HDLBP: variants seen among roughly 807,000 people sequenced by gnomAD.
HDLBP encodes the protein high density lipoprotein binding protein, also known as vigilin.
In HDLBP, 30 loss-of-function variants were observed where a neutral mutation model predicts 137.3. That is an observed-to-expected ratio of 0.22 (90% CI 0.16 to 0.30). HDLBP has a LOEUF of 0.30. Ranked by LOEUF, HDLBP falls within the 10% of genes least tolerant of loss-of-function variation. The pLI is 1.00. For synonymous variants in HDLBP, 606 were observed against 596.0 expected (o/e 1.02, Z -0.24); for missense variants, 1,119 against 1,667.3 (o/e 0.67, Z 5.73).
Position 241,270,090 on chromosome 2 carries a change from A to G in HDLBP, c.-102-1549T>C, listed in dbSNP as rs972206654. On this transcript the variant is annotated intron_variant, in intron 1 of 27. Coordinates refer to ENST00000310931, the MANE Select transcript of HDLBP (RefSeq NM_005336.6). ...TGTCAGCCCGCACCGACTCTCCAGC[A>G]CGGAGCTGTGATGAGCCAATCCCCA... 2.6e-5 allele frequency among the ~76,000 whole-genome samples: 4 copies of G among 152,334 alleles called. No individual in the cohort carries two copies. The East Asian group carries it at 7.7e-4, about 29-fold the overall frequency.
At position 241,233,741 on chromosome 2, in the gene HDLBP, C is replaced by A. The variant is rs1271824708; in HGVS notation, c.3288+79G>T. On this transcript the variant is annotated intron_variant, in intron 24 of 27. Transcript: ENST00000310931. This position sits in a 1 kb window ranked among gnomAD's most constrained non-coding sequence, Gnocchi z 4.3. ...TGGCCCTCGAACCCCCATCTAGGCA[C>A]ATCTGGTTACTGCTCCCAAGTCACA... 4 of 1,545,252 alleles carry A rather than the reference C, an allele frequency of 2.6e-6. No homozygotes were observed. Among genetic ancestry groups the A allele is most frequent in the Non-Finnish European group, 3.6e-6 (4 of 1,124,376 alleles).
At chr2:241,268,731 T>C (rs961245575) in intron 1 of HDLBP, 190 bp from the exon 2 acceptor site, 1 of 153,564 alleles carries the variant, frequency 6.5e-6, no homozygotes, top group Non-Finnish European at 1.4e-5. Context: ...AAACAAAACA[T>C]ATTAAAACAA....
At chr2:241,280,173 G>A in intron 1 of HDLBP, 5 of 957,024 alleles carry the variant, frequency 5.2e-6, no homozygotes, top group Non-Finnish European at 6.2e-6. Flanking sequence ...TCAAAGAAAT[G>A]TTTCCATCCC....
Position 241,256,631 on chromosome 2 carries a change from C to T in HDLBP, c.626G>A (p.Arg209His), listed in dbSNP as rs371457818. The stretch of plus-strand genomic sequence containing the variant: ...GGCAGAGATGAGTAAGACTTCATGG[C>T]GAGCTTTCTCGATGCCCTCTTTGGT... ...TGTKEGIEKA[R>H]HEVLLISAEQ... The change falls in exon 6 of 28, where the codon CGC (arginine) becomes CAC (histidine). Residue 209 changes from arginine to histidine, a missense_variant. Arg to His is a conservative substitution (Grantham distance 29). Transcript: ENST00000310931. 1.9e-6 allele frequency: 3 copies of T among 1,614,152 alleles called. No homozygotes were observed. The highest frequency in any genetic ancestry group is 2.5e-6 in the Non-Finnish European group (3 of 1,180,026).
intron 16 of HDLBP, chr2:241,243,423 G>A (rs562022696): frequency 6.6e-5 from 10 of 152,422 alleles, no homozygotes; most frequent in Admixed American, 5.9e-4. Context: ...TCAGGGCCGG[G>A]TATAGTGGCC....
chr2:241,271,626 C>G lies in HDLBP; in HGVS notation c.-102-3085G>C, dbSNP rs73116316. On this transcript the variant is annotated intron_variant, in intron 1 of 27. Coordinates refer to ENST00000310931, the MANE Select transcript of HDLBP (RefSeq NM_005336.6). The stretch of plus-strand genomic sequence containing the variant: ...TACATATTCAAGGGGCAACAGTCTT[C>G]GAAGAGAATTATCAGTAATACTCCA... Among the ~76,000 whole-genome samples the G allele has an allele frequency of 4.5e-3, 691 of 152,286 alleles. 3 individuals carry two copies. The highest frequency in any genetic ancestry group is 7.8e-3 in the Non-Finnish European group (529 of 68,026).
chr2:241,271,757 G>A (rs573840141), intron 1 of HDLBP, among the ~76,000 whole-genome samples: 2 of 150,934 alleles, frequency 1.3e-5, no homozygotes, highest in Non-Finnish European at 3.0e-5. Flanking sequence ...CTGAAACCCA[G>A]ACTTCTCCTC....
intron 1 of HDLBP, among the ~76,000 whole-genome samples, chr2:241,276,676 A>C (rs2074397993): frequency 6.6e-6 from 1 of 152,218 alleles, no homozygotes; most frequent in Admixed American, 6.5e-5. Context: ...TATTATTTTC[A>C]GATAACACAG....
chr2:241,272,233 AGACCCCCGCCCCG>A lies in HDLBP; in HGVS notation c.-102-3705_-102-3693del. On this transcript the variant is annotated intron_variant, in intron 1 of 27. Transcript: ENST00000310931. This position sits in a 1 kb window ranked among gnomAD's most constrained non-coding sequence, Gnocchi z 5.6. ...GGGCCCCGCCGCCCGGTCTGCGCCCAGACCCCCGCCCCGCCGCCACCTGGGGGGAAGGACCCCG... is the reference window on the plus strand; with the variant it reads ...GGGCCCCGCCGCCCGGTCTGCGCCCACCGCCACCTGGGGGGAAGGACCCCG... 3 of 967,522 alleles carry A rather than the reference AGACCCCCGCCCCG, an allele frequency of 3.1e-6. No individual in the cohort carries two copies. The South Asian group carries it at 1.4e-4, about 46-fold the overall frequency. 59.9% of individuals were successfully genotyped at this position (967,522 alleles called of 1,614,324 possible). A position where few individuals can be genotyped will look rare whatever the true frequency, so the allele number is the denominator to read the frequency against.
chr2:241,239,836 G>C lies in HDLBP; in HGVS notation c.2392-16C>G. 6.2e-7 allele frequency: 1 copy of C among 1,612,372 alleles called. No homozygotes were observed. The highest frequency in any genetic ancestry group is 8.5e-7 in the Non-Finnish European group (1 of 1,178,684). On this transcript the variant is annotated splice_polypyrimidine_tract_variant and intron_variant, in intron 18 of 27. Coordinates refer to ENST00000310931, the MANE Select transcript of HDLBP (RefSeq NM_005336.6). The surrounding 1 kb of genome is among the most constrained non-coding windows in gnomAD (Gnocchi z 4.6). ...CCACATTATCCTGCAGTGTTAAGAA[G>C]AGATGGAAGATAAGCCACCCCATCA... is the stretch of plus-strand genomic sequence containing the variant.
Position 241,239,948 on chromosome 2 carries a change from C to T in HDLBP, c.2344G>A (p.Ala782Thr), listed in dbSNP as rs1200458864. 2 of 1,614,076 alleles carry T rather than the reference C, an allele frequency of 1.2e-6. No individual in the cohort carries two copies. The highest frequency in any genetic ancestry group is 8.5e-7 in the Non-Finnish European group (1 of 1,180,044). Reference protein sequence around the residue: ...DLITIIGKEDAVREAQKELEA... With the variant: ...DLITIIGKEDTVREAQKELEA... ...AGCTCCTTCTGTGCCTCTCGGACGG[C>T]GTCCTCCTTTCCAATGATGGTGATC... Residue 782 changes from alanine (A) to threonine (T), a missense_variant, in exon 18 of 28, where the codon GCC (alanine) becomes ACC (threonine). Ala to Thr is a moderately conservative substitution (Grantham distance 58). Coordinates refer to ENST00000310931, the MANE Select transcript of HDLBP (RefSeq NM_005336.6). The surrounding 1 kb of genome is among the most constrained non-coding windows in gnomAD (Gnocchi z 4.6).
chr2:241,296,127 T>C (rs1194010568), intron 1 of HDLBP, among the ~76,000 whole-genome samples: 1 of 148,650 alleles, frequency 6.7e-6, no homozygotes, highest in Non-Finnish European at 1.5e-5. Context: ...AAGCTGGGAT[T>C]CAACTAAAAT....
At position 241,264,897 on chromosome 2, in the gene HDLBP, G is replaced by C. The variant is rs867992889; in HGVS notation, c.77-292C>G. ...TGGTAAACATCAGCTCAGACATTGT[G>C]AGCCCCACTCCCCTAACGGGGTGAG... On this transcript the variant is annotated intron_variant, in intron 3 of 27. Transcript: ENST00000310931. 4.1e-4 allele frequency among the ~76,000 whole-genome samples: 62 copies of C among 152,260 alleles called. 1 individual carries two copies. The Middle Eastern group carries it at 0.014, about 33-fold the overall frequency.
At chr2:241,259,997 A>G (rs1187037308) in intron 5 of HDLBP, among the ~76,000 whole-genome samples, 1 of 150,396 alleles carries the variant, frequency 6.6e-6, no homozygotes, top group East Asian at 1.9e-4. Context: ...TTAAGAAGTT[A>G]TTTATTTATT....
At chr2:241,229,987 GGTCA>G in intron 26 of HDLBP, 26 bp from the exon 27 acceptor site, 2 of 1,582,350 alleles carry the variant, frequency 1.3e-6, no homozygotes, top group Admixed American at 1.7e-5. Flanking sequence ...AGGAAGACAG[GGTCA>G]GTCTGCCCAG....
chr2:241,284,201 A>C (rs1234501567), intron 1 of HDLBP, among the ~76,000 whole-genome samples: 1 of 152,206 alleles, frequency 6.6e-6, no homozygotes, highest in Non-Finnish European at 1.5e-5. Flanking sequence ...TTAATACTTA[A>C]GAAATTATTT....
intron 1 of HDLBP, among the ~76,000 whole-genome samples, chr2:241,300,885 T>C (rs2075370954): frequency 6.6e-6 from 1 of 152,056 alleles, no homozygotes. Flanking sequence ...TAGATCAAAA[T>C]AGAAGCCTTG....
At chr2:241,278,075 GA>G (rs1305668925) in intron 1 of HDLBP, among the ~76,000 whole-genome samples, 1 of 152,162 alleles carries the variant, frequency 6.6e-6, no homozygotes, top group Non-Finnish European at 1.5e-5. Context: ...AGGGGGCTTG[GA>G]CTCATCACAG....
chr2:241,297,531 T>C (rs1345924280), intron 1 of HDLBP, among the ~76,000 whole-genome samples: 1 of 152,194 alleles, frequency 6.6e-6, no homozygotes, highest in Non-Finnish European at 1.5e-5. Context: ...GTATGTTTTG[T>C]ATATGTATGT....
Sources: gnomAD v4.1 joint callset for allele counts (sites outside exome capture counted in the v4.1 genomes callset) on GRCh38, gnomAD v4.1.1 for gene constraint, Gnocchi (gnomAD v3.1) non-coding constraint, MANE v1.5 for transcripts, NCBI Gene and HGNC (gene_info 2026-07-23, HGNC 2026-07-21) for gene names.